The following LSM14A variants were observed in gnomAD, a reference collection of about 807,000 sequenced individuals.
LSM14A encodes the protein LSM14A mRNA processing body assembly factor, also known as protein LSM14 homolog A.
A neutral mutation model predicts 52.4 loss-of-function variants in LSM14A; 14 were observed. The ratio of observed to expected loss-of-function variants is 0.27; its 90% CI spans 0.18 to 0.42. The LOEUF (loss-of-function observed/expected upper bound fraction) is 0.42, where lower values mean the gene tolerates loss of function less well. LSM14A is among the 10% of genes least tolerant of loss of function. The pLI, the probability that LSM14A is intolerant of heterozygous loss-of-function variation, is 1.00. For missense variants in LSM14A, 417 were observed against 581.8 expected, an observed-to-expected ratio of 0.72 and a Z score of 2.91; for synonymous variants, 185 against 200.3, an observed-to-expected ratio of 0.92 and a Z score of 0.64.
At chr19:34,209,762 C>T (rs2071995992) in intron 4 of LSM14A, among the ~76,000 whole-genome samples, 1 of 151,860 alleles carries the variant, frequency 6.6e-6, no homozygotes, top group African/African-American at 2.4e-5. Flanking sequence ...GTCTCGAACT[C>T]CTGGGCTCAA....
At chr19:34,204,088 G>C (rs2071508456) in intron 3 of LSM14A, among the ~76,000 whole-genome samples, 1 of 152,118 alleles carries the variant, frequency 6.6e-6, no homozygotes, top group Admixed American at 6.6e-5. Context: ...GGTTGGGGGG[G>C]CGTTCTTCGT....
intron 1 of LSM14A, among the ~76,000 whole-genome samples, chr19:34,189,243 C>T (rs926472698): frequency 6.6e-6 from 1 of 152,086 alleles, no homozygotes; most frequent in African/African-American, 2.4e-5. Flanking sequence ...TACTTTGAAG[C>T]CTAATGCTGT....
At position 34,227,461 on chromosome 19, in the gene LSM14A, C is replaced by A; in HGVS notation, c.*73C>A. The A allele has an allele frequency of 8.4e-7, 1 of 1,193,800 alleles. No homozygotes were observed. Among genetic ancestry groups the A allele is most frequent in the Non-Finnish European group, 1.2e-6 (1 of 847,702 alleles). 74.0% of individuals were successfully genotyped at this position (1,193,800 alleles called of 1,614,324 possible). ...TCCTGAACATTGATTTCAGTCTTTGCAAAGAATGAAGAAGTGAATTCGCTG... is the reference window on the plus strand; with the variant it reads ...TCCTGAACATTGATTTCAGTCTTTGAAAAGAATGAAGAAGTGAATTCGCTG... On this transcript the variant is annotated 3_prime_UTR_variant, in exon 10 of 10. Transcript: ENST00000544216.
chr19:34,181,095 T>A (rs1375292538), intron 1 of LSM14A, among the ~76,000 whole-genome samples: 1 of 152,204 alleles, frequency 6.6e-6, no homozygotes, highest in Non-Finnish European at 1.5e-5. Flanking sequence ...TGTTTTTTTC[T>A]GATCAATATG....
chr19:34,209,193 G>C (rs2071943694), intron 4 of LSM14A, 142 bp downstream of exon 4: 2 of 585,412 alleles, frequency 3.4e-6, no homozygotes, highest in Non-Finnish European at 5.8e-6. Flanking sequence ...CCAAATCGCT[G>C]TATTGCAATG....
intron 3 of LSM14A, among the ~76,000 whole-genome samples, chr19:34,197,306 G>T (rs567324485): frequency 6.6e-6 from 1 of 152,090 alleles, no homozygotes; most frequent in African/African-American, 2.4e-5. Flanking sequence ...GGCCAGGCAG[G>T]TCTTGAACTC....
At chr19:34,198,585 C>T (rs1049946768) in intron 3 of LSM14A, among the ~76,000 whole-genome samples, 1 of 152,096 alleles carries the variant, frequency 6.6e-6, no homozygotes, top group Non-Finnish European at 1.5e-5. Context: ...CATTGCACTC[C>T]AGTCTAGGCC....
At position 34,215,217 on chromosome 19, in the gene LSM14A, C is replaced by T; in HGVS notation, c.632C>T (p.Ala211Val). 1 of 1,614,182 alleles carries T rather than the reference C, an allele frequency of 6.2e-7. No homozygotes were observed. The highest frequency in any genetic ancestry group is 8.5e-7 in the Non-Finnish European group (1 of 1,180,022). Residue 211 changes from alanine (A) to valine (V), a missense_variant, in exon 5 of 10, where the codon GCT (alanine) becomes GTT (valine). This residue lies in a region of LSM14A where 357 missense variants were observed against 457.0 expected (regional missense o/e 0.78). Transcript: ENST00000544216. ...TCAGCCCACTTACCTGCTCCAGCAG[C>T]TGTTGGGAGAAGGAGTCCTGTATCA... ...TASAHLPAPA[A>V]VGRRSPVSTR...
At chr19:34,190,530 A>C (rs1302790687) in intron 1 of LSM14A, among the ~76,000 whole-genome samples, 2 of 151,726 alleles carry the variant, frequency 1.3e-5, no homozygotes, top group African/African-American at 4.8e-5. Context: ...GCTTATTATC[A>C]ACTAGCCAAA....
In LSM14A at chr19:34,227,699, A is replaced by G. The variant is rs933910778; in HGVS notation, c.*311A>G. 3.3e-6 allele frequency: 1 copy of G among 302,946 alleles called. No homozygotes were observed. Among genetic ancestry groups the G allele is most frequent in the African/African-American group, 2.2e-5 (1 of 45,584 alleles). 18.8% of individuals were successfully genotyped at this position (302,946 alleles called of 1,614,324 possible). A position where few individuals can be genotyped will look rare whatever the true frequency, so the allele number is the denominator to read the frequency against. ...TTAACAAGTATTTTTTCATCACTGA[A>G]AGGTTTTTTTTTTTTATCACTAAAT... On this transcript the variant is annotated 3_prime_UTR_variant, in exon 10 of 10. Transcript: ENST00000544216.
chr19:34,202,330 CAA>C (rs904493119), intron 3 of LSM14A, among the ~76,000 whole-genome samples: 4 of 128,520 alleles, frequency 3.1e-5, no homozygotes, highest in Admixed American at 7.9e-5. Flanking sequence ...CCTGGCTCTA[CAA>C]AAAAAAAAAA....
intron 3 of LSM14A, among the ~76,000 whole-genome samples, chr19:34,204,696 C>T (rs543864133): frequency 6.8e-4 from 103 of 151,806 alleles, no homozygotes; most frequent in Middle Eastern, 3.4e-3. Context: ...CCAGGAAAGG[C>T]GACAGAGCTA....
chr19:34,198,873 G>C (rs1394664920), intron 3 of LSM14A, among the ~76,000 whole-genome samples: 2 of 151,846 alleles, frequency 1.3e-5, no homozygotes. Flanking sequence ...TGTAGTTCCA[G>C]CTACTCGGGA....
chr19:34,188,702 A>G (rs563336300), intron 1 of LSM14A, among the ~76,000 whole-genome samples: 1 of 152,252 alleles, frequency 6.6e-6, no homozygotes, highest in East Asian at 1.9e-4. Flanking sequence ...GGAATCATAC[A>G]CTGTGTGACG....
At chr19:34,175,142 C>T (rs932901226) in intron 1 of LSM14A, among the ~76,000 whole-genome samples, 3 of 149,700 alleles carry the variant, frequency 2.0e-5, no homozygotes, top group Non-Finnish European at 4.5e-5. Flanking sequence ...ATGAATATAG[C>T]AGTGAAAAAT....
chr19:34,221,336 C>A (rs1599723350), intron 8 of LSM14A, 171 bp from the exon 9 acceptor site: 1 of 705,396 alleles, frequency 1.4e-6, no homozygotes, highest in Non-Finnish European at 2.3e-6. Context: ...GCCCCCTCGG[C>A]CTCCCAAAGT....
chr19:34,207,177 T>C (rs1334186624), intron 3 of LSM14A, among the ~76,000 whole-genome samples: 4 of 152,052 alleles, frequency 2.6e-5, no homozygotes, highest in Non-Finnish European at 5.9e-5. Flanking sequence ...GAGGGGGGTG[T>C]GGCACGATCA....
chr19:34,175,608 T>C (rs1279554284), intron 1 of LSM14A, among the ~76,000 whole-genome samples: 1 of 152,214 alleles, frequency 6.6e-6, no homozygotes, highest in Non-Finnish European at 1.5e-5. Context: ...ACTGACATTA[T>C]CAAACCTTTA....
chr19:34,195,530 A>C (rs2070770382), intron 2 of LSM14A, among the ~76,000 whole-genome samples: 1 of 152,216 alleles, frequency 6.6e-6, no homozygotes, highest in Non-Finnish European at 1.5e-5. Context: ...TAACATATTT[A>C]GATCAGCTCT....
Sources: gnomAD v4.1 joint callset for allele counts (sites outside exome capture counted in the v4.1 genomes callset) on GRCh38, gnomAD v4.1.1 for gene constraint, gnomAD v4.1.1 regional missense constraint, MANE v1.5 for transcripts, NCBI Gene and HGNC (gene_info 2026-07-23, HGNC 2026-07-21) for gene names.